IQSEC3: variants seen among roughly 807,000 people sequenced by gnomAD.
The protein encoded by IQSEC3 is IQ motif and Sec7 domain ArfGEF 3, also known as IQ motif and SEC7 domain-containing protein 3.
IQSEC3 carries 50 observed loss-of-function variants against 105.4 expected under a neutral mutation model. That is an observed-to-expected ratio of 0.47 (90% CI 0.38 to 0.60). The LOEUF (loss-of-function observed/expected upper bound fraction) is 0.60. Ranked by LOEUF, IQSEC3 falls within the 20% of genes least tolerant of loss-of-function variation. The probability of loss-of-function intolerance (pLI) is 0.00; values close to 1 mark genes in which losing one functional copy is unlikely to be tolerated. For synonymous variants in IQSEC3, 708 were observed against 746.0 expected (o/e 0.95, Z 0.83); for missense variants, 1,415 against 1,630.0 (o/e 0.87, Z 2.27).
At chr12:85,090 G>A (rs888878159) in intron 1 of IQSEC3, among the ~76,000 whole-genome samples, 1 of 152,230 alleles carries the variant, frequency 6.6e-6, no homozygotes, top group African/African-American at 2.4e-5. Flanking sequence ...ATTACTCTTA[G>A]GATGTTCAGA....
intron 3 of IQSEC3, among the ~76,000 whole-genome samples, chr12:131,972 G>A (rs1254747653): frequency 3.3e-5 from 5 of 152,314 alleles, no homozygotes; most frequent in African/African-American, 4.8e-5. Flanking sequence ...ATTTGATGCC[G>A]TGAATAACTT....
At chr12:85,241 C>T (rs569186701) in intron 1 of IQSEC3, among the ~76,000 whole-genome samples, 16 of 152,336 alleles carry the variant, frequency 1.1e-4, no homozygotes, top group Admixed American at 7.8e-4. Flanking sequence ...GCTGCCCTGG[C>T]GCTGTGAGGC....
At chr12:103,600 G>A (rs189983030) in intron 2 of IQSEC3, among the ~76,000 whole-genome samples, 1 of 22,422 alleles carries the variant, frequency 4.5e-5, no homozygotes, top group Non-Finnish European at 8.8e-5. Context: ...GAGGGGAGGT[G>A]GGGCTCAGGA....
intron 9 of IQSEC3, among the ~76,000 whole-genome samples, chr12:164,384 T>G (rs1177848718): frequency 6.6e-6 from 1 of 151,422 alleles, no homozygotes; most frequent in Non-Finnish European, 1.5e-5. Context: ...CTCTCTGGAG[T>G]GCACATCAGG....
chr12:104,901 T>C (rs1423904299), intron 2 of IQSEC3, among the ~76,000 whole-genome samples: 1 of 152,240 alleles, frequency 6.6e-6, no homozygotes, highest in Admixed American at 6.5e-5. Context: ...TACGGAGCAA[T>C]TAAATTCTCA....
chr12:156,187 C>T (rs1196146883), intron 5 of IQSEC3, among the ~76,000 whole-genome samples: 3 of 152,028 alleles, frequency 2.0e-5, no homozygotes, highest in Non-Finnish European at 2.9e-5. Flanking sequence ...CACTGAAGCT[C>T]GGGATGTTCA....
intron 5 of IQSEC3, among the ~76,000 whole-genome samples, chr12:146,582 A>C (rs11061649): frequency 0.31 from 47,819 of 152,076 alleles, 8,555 homozygotes; most frequent in Admixed American, 0.4. Flanking sequence ...GGAGATGGAA[A>C]CTGCAGTGAG....
intron 2 of IQSEC3, among the ~76,000 whole-genome samples, chr12:116,182 A>C (rs1277386048): frequency 6.6e-6 from 1 of 152,184 alleles, no homozygotes; most frequent in African/African-American, 2.4e-5. Context: ...CAGGACCTTG[A>C]GGCACAGGAG....
intron 5 of IQSEC3, chr12:144,316 C>T (rs1866168342): frequency 6.6e-6 from 1 of 152,212 alleles, no homozygotes; most frequent in South Asian, 2.1e-4. Context: ...AACCGAGTCG[C>T]CAGGTGCCAT....
rs782604156 is a variant in IQSEC3 at position 138,861 on chromosome 12, T to G, written c.1498T>G (p.Ser500Ala). 1.2e-6 allele frequency: 2 copies of G among 1,611,862 alleles called. No homozygotes were observed. The highest frequency in any genetic ancestry group is 1.7e-6 in the Non-Finnish European group (2 of 1,179,324). Residue 500 changes from serine to alanine, a missense_variant, in exon 4 of 14, where the codon TCC becomes GCC. By Grantham distance (99) the Ser-to-Ala change is moderately conservative. Coordinates refer to ENST00000538872, the MANE Select transcript of IQSEC3 (RefSeq NM_001170738.2). This position sits in a 1 kb window ranked among gnomAD's most constrained non-coding sequence, Gnocchi z 7.1. ...VQIANQNISV[S>A]SSTALSVANC... The stretch of plus-strand genomic sequence containing the variant: ...GATCGCCAACCAGAACATATCCGTC[T>G]CCTCCTCCACGGCTCTGTCGGTGGC...
chr12:130,322 C>T (rs914634191), intron 3 of IQSEC3, among the ~76,000 whole-genome samples: 9 of 152,164 alleles, frequency 5.9e-5, no homozygotes, highest in Non-Finnish European at 8.8e-5. Context: ...ACAACGTCCC[C>T]GTGAGATTGG....
At chr12:133,654 T>G (rs570361956) in intron 3 of IQSEC3, among the ~76,000 whole-genome samples, 1 of 150,868 alleles carries the variant, frequency 6.6e-6, no homozygotes, top group Non-Finnish European at 1.5e-5. Context: ...GGAGGTTCAG[T>G]GTAAAATAGG....
chr12:160,498 G>A (rs1005699604), intron 7 of IQSEC3, among the ~76,000 whole-genome samples: 1 of 152,160 alleles, frequency 6.6e-6, no homozygotes, highest in African/African-American at 2.4e-5. Flanking sequence ...AGTGGGAAGT[G>A]GAGTTGAGGG....
intron 1 of IQSEC3, among the ~76,000 whole-genome samples, chr12:97,867 C>T (rs75500757): frequency 0.018 from 2,802 of 152,314 alleles, 44 homozygotes; most frequent in Middle Eastern, 0.065. Flanking sequence ...AAATTCAGCA[C>T]TTCCTGTCTA....
chr12:73,143 G>T (rs1440519953), intron 1 of IQSEC3, among the ~76,000 whole-genome samples: 15 of 152,072 alleles, frequency 9.9e-5, no homozygotes, highest in Middle Eastern at 3.4e-3. Context: ...AATCTTTCAG[G>T]CTGAAAGGAA....
At chr12:88,561 A>G (rs1863987881) in intron 1 of IQSEC3, among the ~76,000 whole-genome samples, 1 of 152,214 alleles carries the variant, frequency 6.6e-6, no homozygotes, top group Non-Finnish European at 1.5e-5. Context: ...TGGAGATTCC[A>G]TCCTCTGGCA....
At chr12:98,267 G>C (rs573327280) in intron 1 of IQSEC3, among the ~76,000 whole-genome samples, 3 of 152,148 alleles carry the variant, frequency 2.0e-5, no homozygotes, top group African/African-American at 7.2e-5. Context: ...GAGGTGGAAG[G>C]GACCTAGGAA....
At chr12:76,482 G>A (rs12314631) in intron 1 of IQSEC3, among the ~76,000 whole-genome samples, 157 of 152,380 alleles carry the variant, frequency 1.0e-3, no homozygotes, top group African/African-American at 3.5e-3. Context: ...GATCAGCATA[G>A]CTTTATCTCA....
chr12:125,192 G>C (rs1865346044), intron 2 of IQSEC3, among the ~76,000 whole-genome samples: 1 of 152,188 alleles, frequency 6.6e-6, no homozygotes, highest in Admixed American at 6.5e-5. Flanking sequence ...CCATGACTCA[G>C]GCACAGCTTA....
Sources: allele counts gnomAD v4.1 joint callset (sites outside exome capture counted in the v4.1 genomes callset), GRCh38; gene constraint gnomAD v4.1.1; non-coding constraint Gnocchi (gnomAD v3.1); transcripts MANE v1.5; gene names NCBI Gene and HGNC (gene_info 2026-07-23, HGNC 2026-07-21).